Variants in GRIK2 observed in about 807,000 individuals in gnomAD.
GRIK2 encodes glutamate receptor ionotropic, kainate 2.
A neutral mutation model predicts 100.3 loss-of-function variants in GRIK2; 32 were observed. The ratio of observed to expected loss-of-function variants is 0.32; its 90% CI spans 0.24 to 0.43. The LOEUF (loss-of-function observed/expected upper bound fraction) is 0.43. GRIK2 is among the 20% of genes least tolerant of loss of function. GRIK2 has a pLI of 1.00. For missense variants in GRIK2, 843 were observed against 1,114.9 expected (o/e 0.76, Z 3.47); for synonymous variants, 417 against 389.4 (o/e 1.07, Z -0.83).
chr6:102,035,589 G>T lies in GRIK2; in HGVS notation c.2311+23G>T, dbSNP rs773212077. ...TGGGTAGGTTATATGTCAGCTCTTTGTTCTTTGTTCATTAATCTGAGTTGC... is the reference window on the plus strand; with the variant it reads ...TGGGTAGGTTATATGTCAGCTCTTTTTTCTTTGTTCATTAATCTGAGTTGC... On this transcript the variant is annotated intron_variant, in intron 15 of 16. Coordinates refer to ENST00000369134, the MANE Select transcript of GRIK2 (RefSeq NM_021956.5). 7 of 1,309,152 alleles carry T rather than the reference G, an allele frequency of 5.3e-6. No homozygotes were observed. In the South Asian group the frequency reaches 8.4e-5, roughly 16 times the overall value. 81.1% of individuals were successfully genotyped at this position (1,309,152 alleles called of 1,614,324 possible).
Position 101,773,960 on chromosome 6 carries a change from A to G in GRIK2, c.952-25688A>G, listed in dbSNP as rs567217633. On this transcript the variant is annotated intron_variant, in intron 7 of 16. Transcript: ENST00000369134. Reference sequence around the variant, plus strand: ...ATAGAAAGCTAAACACAATAAGAACATAAAAAGTCATAAAAGATGCATATT... The same window carrying G: ...ATAGAAAGCTAAACACAATAAGAACGTAAAAAGTCATAAAAGATGCATATT... 6.2e-4 allele frequency among the ~76,000 whole-genome samples: 94 copies of G among 152,334 alleles called. No individual in the cohort carries two copies. The South Asian group carries it at 0.019, about 31-fold the overall frequency.
intron 2 of GRIK2, among the ~76,000 whole-genome samples, chr6:101,470,222 C>G (rs1007038193): frequency 2.0e-5 from 3 of 152,164 alleles, no homozygotes; most frequent in African/African-American, 7.2e-5. Flanking sequence ...GGACTACCCA[C>G]GTTAGCAGCT....
chr6:101,858,390 T>C lies in GRIK2; in HGVS notation c.1318-897T>C, dbSNP rs547244417. ...TCTCTCTCTCTATTTTTTTTTCTTTTTTTTTTTTTTTTTTTGAGACGGAGT... is the reference window on the plus strand; with the variant it reads ...TCTCTCTCTCTATTTTTTTTTCTTTCTTTTTTTTTTTTTTTGAGACGGAGT... On this transcript the variant is annotated intron_variant, in intron 10 of 16. Coordinates refer to ENST00000369134, the MANE Select transcript of GRIK2 (RefSeq NM_021956.5). 8.9e-4 allele frequency among the ~76,000 whole-genome samples: 128 copies of C among 143,382 alleles called. 1 individual carries two copies. The East Asian group carries it at 0.022, about 24-fold the overall frequency. 94.1% of individuals were successfully genotyped at this position (143,382 alleles called of 152,430 possible). A position where few individuals can be genotyped will look rare whatever the true frequency, so the allele number is the denominator to read the frequency against.
chr6:101,563,724 C>T (rs1163979580), intron 2 of GRIK2, among the ~76,000 whole-genome samples: 1 of 152,052 alleles, frequency 6.6e-6, no homozygotes, highest in Non-Finnish European at 1.5e-5. Flanking sequence ...ATAGGACTAT[C>T]TAATATTTGT....
intron 7 of GRIK2, among the ~76,000 whole-genome samples, chr6:101,797,283 CA>C (rs1364443705): frequency 6.6e-6 from 1 of 151,316 alleles, no homozygotes; most frequent in Non-Finnish European, 1.5e-5. Flanking sequence ...GATTAATTCA[CA>C]AGAGTTAAAC....
intron 11 of GRIK2, among the ~76,000 whole-genome samples, chr6:101,862,454 G>A (rs1050032157): frequency 5.9e-5 from 9 of 152,054 alleles, no homozygotes; most frequent in East Asian, 3.9e-4. Flanking sequence ...TTTAAGAGAC[G>A]GAATCTTTCT....
chr6:101,911,239 A>G (rs369822687), intron 12 of GRIK2, among the ~76,000 whole-genome samples: 2 of 151,544 alleles, frequency 1.3e-5, no homozygotes, highest in Non-Finnish European at 3.0e-5. Flanking sequence ...GCTATAGCCA[A>G]GAATTTTAAC....
intron 7 of GRIK2, among the ~76,000 whole-genome samples, chr6:101,695,482 G>A (rs994102563): frequency 2.6e-5 from 4 of 152,016 alleles, no homozygotes; most frequent in Non-Finnish European, 5.9e-5. Context: ...TGAATAGTAA[G>A]CAATATTCAT....
chr6:101,909,727 T>C (rs1185755518), intron 12 of GRIK2, among the ~76,000 whole-genome samples: 1 of 151,120 alleles, frequency 6.6e-6, no homozygotes, highest in Non-Finnish European at 1.5e-5. Flanking sequence ...TGTGTTTCTG[T>C]ATATCTGTGT....
intron 2 of GRIK2, among the ~76,000 whole-genome samples, chr6:101,547,666 T>C (rs904741712): frequency 6.6e-6 from 1 of 152,218 alleles, no homozygotes; most frequent in African/African-American, 2.4e-5. Context: ...TTTTCATGGC[T>C]GCATAGTATT....
intron 15 of GRIK2, among the ~76,000 whole-genome samples, chr6:102,041,101 A>ATAAGT (rs1770544123): frequency 6.6e-6 from 1 of 151,612 alleles, no homozygotes. Flanking sequence ...AAGCATCTCA[A>ATAAGT]TAAGTTATGC....
intron 2 of GRIK2, among the ~76,000 whole-genome samples, chr6:101,549,310 T>G (rs1776399218): frequency 6.6e-6 from 1 of 151,022 alleles, no homozygotes; most frequent in Non-Finnish European, 1.5e-5. Flanking sequence ...AGTATTTCTC[T>G]GTGGTAGATG....
chr6:101,802,680 T>G (rs1195562157), intron 9 of GRIK2, among the ~76,000 whole-genome samples: 1 of 151,906 alleles, frequency 6.6e-6, no homozygotes, highest in East Asian at 1.9e-4. Context: ...ATATAATGTT[T>G]GAAGTGCATA....
chr6:101,571,505 A>G (rs968072931), intron 2 of GRIK2, among the ~76,000 whole-genome samples: 2 of 152,132 alleles, frequency 1.3e-5, no homozygotes, highest in Non-Finnish European at 2.9e-5. Context: ...ATGAGTTTGC[A>G]TTAATTTTGC....
intron 7 of GRIK2, among the ~76,000 whole-genome samples, chr6:101,712,739 A>T (rs1380910390): frequency 6.6e-6 from 1 of 151,822 alleles, no homozygotes; most frequent in African/African-American, 2.4e-5. Context: ...CAGTATCATT[A>T]TCTGACTAGA....
chr6:101,883,893 G>A (rs1457665381), intron 11 of GRIK2, among the ~76,000 whole-genome samples: 1 of 152,140 alleles, frequency 6.6e-6, no homozygotes, highest in African/African-American at 2.4e-5. Flanking sequence ...TGCTTTGTAG[G>A]CAAACATGTT....
intron 7 of GRIK2, among the ~76,000 whole-genome samples, chr6:101,689,997 G>A (rs886365083): frequency 2.0e-5 from 3 of 152,066 alleles, no homozygotes; most frequent in African/African-American, 7.2e-5. Context: ...TTTACTATAG[G>A]ATGAGAATTC....
At chr6:101,562,909 T>C (rs139844550) in intron 2 of GRIK2, among the ~76,000 whole-genome samples, 98 of 152,320 alleles carry the variant, frequency 6.4e-4, no homozygotes, top group African/African-American at 2.2e-3. Context: ...TTCTGTGTAA[T>C]GATACTTTTT....
intron 10 of GRIK2, among the ~76,000 whole-genome samples, chr6:101,824,388 T>C (rs890602597): frequency 6.6e-6 from 1 of 152,192 alleles, no homozygotes; most frequent in African/African-American, 2.4e-5. Context: ...ATACAGTGTT[T>C]GGTTTTCTAT....
Sources: gnomAD v4.1 joint callset for allele counts (sites outside exome capture counted in the v4.1 genomes callset) on GRCh38, gnomAD v4.1.1 for gene constraint, MANE v1.5 for transcripts, NCBI Gene and HGNC (gene_info 2026-07-23, HGNC 2026-07-21) for gene names.